GJB5: variants seen among roughly 807,000 people sequenced by gnomAD.
GJB5 encodes the protein gap junction protein beta 5.
For synonymous variants in GJB5, 146 were observed against 145.5 expected, an observed-to-expected ratio of 1.00 and a Z score of -0.02; for missense variants, 333 against 357.9, an observed-to-expected ratio of 0.93 and a Z score of 0.56.
rs1639622614 is a variant in GJB5 at position 34,757,782 on chromosome 1, C to T, written c.452C>T (p.Ser151Leu). 1 of 1,613,886 alleles carries T rather than the reference C, an allele frequency of 6.2e-7. No individual in the cohort carries two copies. The highest frequency in any genetic ancestry group is 1.1e-5 in the South Asian group (1 of 91,080). ...ATCGCCTTTCTCTATGTGTTCCACTCATTCTACCCCAAATATATCCTCCCT... is the reference window on the plus strand; with the variant it reads ...ATCGCCTTTCTCTATGTGTTCCACTTATTCTACCCCAAATATATCCTCCCT... ...VDIAFLYVFH[S>L]FYPKYILPPV... is the part of the protein sequence containing the mutation. The change falls in exon 2 of 2, where the codon TCA becomes TTA. Residue 151 changes from serine (S) to leucine (L), a missense_variant. Physicochemically the swap from Ser to Leu is moderately radical, Grantham distance 145. Transcript: ENST00000338513.
Position 34,758,131 on chromosome 1 carries a change from T to G in GJB5, c.801T>G (p.His267Gln). ...TCTTACCAGACCGCCCCCGAGACCA[T>G]GTGAAGAAAACCATCTTGTGAGGGG... ...PPLLPDRPRD[H>Q]VKKTIL is the part of the protein sequence containing the mutation. The change falls in exon 2 of 2, where the codon CAT becomes CAG. Residue 267 changes from histidine (H) to glutamine (Q), a missense_variant. His to Gln is a conservative substitution (Grantham distance 24, BLOSUM62 0). Transcript: ENST00000338513. The G allele has an allele frequency of 6.2e-7, 1 of 1,612,160 alleles. No homozygotes were observed. The highest frequency in any genetic ancestry group is 8.5e-7 in the Non-Finnish European group (1 of 1,179,464).
At position 34,757,372 on chromosome 1, in the gene GJB5, C is replaced by G; in HGVS notation, c.42C>G (p.Asn14Lys). ...SIFEGLLSGV[N>K]KYSTAFGRIW... ...TTGAGGGACTCCTGAGTGGGGTCAA[C>G]AAGTACTCCACAGCCTTTGGGCGCA... Residue 14 changes from asparagine to lysine, a missense_variant, in exon 2 of 2, where the codon AAC (asparagine) becomes AAG (lysine). Coordinates refer to ENST00000338513, the MANE Select transcript of GJB5 (RefSeq NM_005268.4). 1.2e-6 allele frequency: 2 copies of G among 1,614,178 alleles called. No individual in the cohort carries two copies. The highest frequency in any genetic ancestry group is 1.7e-6 in the Non-Finnish European group (2 of 1,180,008).
In GJB5 at chr1:34,757,713, G is replaced by A. The variant is rs376665230; in HGVS notation, c.383G>A (p.Trp128Ter). Reference protein sequence around the residue: ...LNPGKKRGGLWWTYVCSLVFK... With the variant: ...LNPGKKRGGL ...CCCGGCAAGAAGCGGGGTGGGCTCT[G>A]GTGGACATATGTCTGCAGCCTAGTG... is the stretch of plus-strand genomic sequence containing the variant. The change falls in exon 2 of 2, where the codon TGG becomes TAG. Residue 128 changes from tryptophan to a stop codon, truncating the protein, a stop_gained. Coordinates refer to ENST00000338513, the MANE Select transcript of GJB5 (RefSeq NM_005268.4). LOFTEE classifies it low-confidence loss of function (END_TRUNC). 5.0e-6 allele frequency: 8 copies of A among 1,613,898 alleles called. No homozygotes were observed. The highest frequency in any genetic ancestry group is 3.3e-5 in the South Asian group (3 of 91,082).
At position 34,758,439 on chromosome 1, in the gene GJB5, G is replaced by C; in HGVS notation, c.*287G>C. The C allele has an allele frequency of 2.0e-6, 1 of 490,608 alleles. No individual in the cohort carries two copies. Among genetic ancestry groups the C allele is most frequent in the Non-Finnish European group, 3.8e-6 (1 of 262,408 alleles). The allele number at this position is 490,608 out of a possible 1,614,324, so 30.4% of individuals were successfully genotyped here. A position where few individuals can be genotyped will look rare whatever the true frequency, so the allele number is the denominator to read the frequency against. ...TGGAGGGAGGAGGGCGTTCATAGAA[G>C]AACACACATGCGGGCACCTTCATCG... On this transcript the variant is annotated 3_prime_UTR_variant, in exon 2 of 2. Transcript: ENST00000338513.
chr1:34,758,341 G>A lies in GJB5; in HGVS notation c.*189G>A. ...ACCTGCCCCAGCTCGACGGCACTGGGCCAGTTCCCCCTCTGCTCTGCAGCT... is the reference window on the plus strand; with the variant it reads ...ACCTGCCCCAGCTCGACGGCACTGGACCAGTTCCCCCTCTGCTCTGCAGCT... On this transcript the variant is annotated 3_prime_UTR_variant, in exon 2 of 2. Transcript: ENST00000338513. 4.9e-6 allele frequency: 3 copies of A among 614,030 alleles called. No homozygotes were observed. The highest frequency in any genetic ancestry group is 8.9e-6 in the Non-Finnish European group (3 of 337,414). The allele number at this position is 614,030 out of a possible 1,614,324, so 38.0% of individuals were successfully genotyped here.
intron 1 of GJB5, among the ~76,000 whole-genome samples, chr1:34,756,229 C>T (rs1027359514): frequency 7.9e-5 from 12 of 152,170 alleles, no homozygotes; most frequent in Non-Finnish European, 1.8e-4. Context: ...GCAGAGGACT[C>T]GCGGGTGAGG....
chr1:34,757,454 C>A lies in GJB5; in HGVS notation c.124C>A (p.Arg42Ser). Reference sequence around the variant, plus strand: ...GCTGGTGTACCTGGTGACGGCCGAGCGTGTGTGGAGTGATGACCACAAGGA... The same window carrying A: ...GCTGGTGTACCTGGTGACGGCCGAGAGTGTGTGGAGTGATGACCACAAGGA... ...RVLVYLVTAE[R>S]VWSDDHKDFD... The change falls in exon 2 of 2, where the codon CGT becomes AGT. Residue 42 changes from arginine (R) to serine (S), a missense_variant. Arg to Ser is a moderately radical substitution (Grantham distance 110). Transcript: ENST00000338513. 1 of 1,614,136 alleles carries A rather than the reference C, an allele frequency of 6.2e-7. No individual in the cohort carries two copies. The highest frequency in any genetic ancestry group is 8.5e-7 in the Non-Finnish European group (1 of 1,180,012).
At position 34,758,006 on chromosome 1, in the gene GJB5, T is replaced by G. The variant is rs1448498150; in HGVS notation, c.676T>G (p.Cys226Gly). The G allele has an allele frequency of 1.9e-6, 3 of 1,613,940 alleles. No individual in the cohort carries two copies. The highest frequency in any genetic ancestry group is 2.5e-6 in the Non-Finnish European group (3 of 1,179,988). ...GGCAGCAAGGAAAGCTCAAGCCATG[T>G]GCACAGGTCATCACCCCCACGGTAC... ...CLAARKAQAM[C>G]TGHHPHGTTS... Residue 226 changes from cysteine (C) to glycine (G), a missense_variant, in exon 2 of 2, where the codon TGC (cysteine) becomes GGC (glycine). Physicochemically the swap from Cys to Gly is radical, Grantham distance 159. Coordinates refer to ENST00000338513, the MANE Select transcript of GJB5 (RefSeq NM_005268.4).
intron 1 of GJB5, among the ~76,000 whole-genome samples, chr1:34,756,462 CTT>C (rs1367632670): frequency 1.3e-5 from 2 of 152,210 alleles, no homozygotes; most frequent in African/African-American, 4.8e-5. Context: ...TTTCATACCT[CTT>C]TTGGTGAATT....
chr1:34,758,118 G>T lies in GJB5; in HGVS notation c.788G>T (p.Arg263Leu), dbSNP rs201779144. ...AGTCATCCTCCTCTCTTACCAGACC[G>T]CCCCCGAGACCATGTGAAGAAAACC... is the stretch of plus-strand genomic sequence containing the variant. ...SDSHPPLLPDRPRDHVKKTIL is the reference protein window; with the variant it reads ...SDSHPPLLPDLPRDHVKKTIL Residue 263 changes from arginine to leucine, a missense_variant, in exon 2 of 2, where the codon CGC (arginine) becomes CTC (leucine). Coordinates refer to ENST00000338513, the MANE Select transcript of GJB5 (RefSeq NM_005268.4). 2 of 1,613,866 alleles carry T rather than the reference G, an allele frequency of 1.2e-6. No homozygotes were observed. Among genetic ancestry groups the T allele is most frequent in the Non-Finnish European group, 1.7e-6 (2 of 1,179,934 alleles).
At chr1:34,755,436 C>T (rs746607390) in intron 1 of GJB5, among the ~76,000 whole-genome samples, 1 of 152,184 alleles carries the variant, frequency 6.6e-6, no homozygotes, top group Non-Finnish European at 1.5e-5. Context: ...AGCCCTGCCC[C>T]ACTCCTCCCC....
intron 1 of GJB5, among the ~76,000 whole-genome samples, chr1:34,756,050 G>T (rs1193381617): frequency 6.6e-6 from 1 of 152,228 alleles, no homozygotes; most frequent in African/African-American, 2.4e-5. Context: ...AGTTGATCAT[G>T]CAGAGGCTCC....
At position 34,757,603 on chromosome 1, in the gene GJB5, G is replaced by A. The variant is rs377464791; in HGVS notation, c.273G>A (p.Val91=). 1 of 1,614,102 alleles carries A rather than the reference G, an allele frequency of 6.2e-7. No individual in the cohort carries two copies. Among genetic ancestry groups the A allele is most frequent in the Non-Finnish European group, 8.5e-7 (1 of 1,180,028 alleles). The stretch of plus-strand genomic sequence containing the variant: ...TGGTGACATGCCCCTCACTGCTCGT[G>A]GTCATGCACGTGGCCTACCGGGAGG... ...LILVTCPSLL[V]VMHVAYREVQ... Residue 91 remains valine (V), a synonymous_variant, in exon 2 of 2, where the codon GTG becomes GTA. Transcript: ENST00000338513.
intron 1 of GJB5, among the ~76,000 whole-genome samples, chr1:34,756,127 G>A (rs1225791795): frequency 1.3e-5 from 2 of 152,010 alleles, no homozygotes; most frequent in Admixed American, 6.6e-5. Flanking sequence ...TAGTGGCTAG[G>A]CAGACAGGTT....
Position 34,757,563 on chromosome 1 carries a change from C to A in GJB5, c.233C>A (p.Ala78Asp). ...CCTGTGTCCCATGTGCGCCTCTGGG[C>A]CCTGCAGCTTATCCTGGTGACATGC... ...FFPVSHVRLW[A>D]LQLILVTCPS... is the part of the protein sequence containing the mutation. Residue 78 changes from alanine (A) to aspartate (D), a missense_variant, in exon 2 of 2, where the codon GCC becomes GAC. Ala to Asp is a moderately radical substitution (Grantham distance 126). Coordinates refer to ENST00000338513, the MANE Select transcript of GJB5 (RefSeq NM_005268.4). 1 of 1,614,148 alleles carries A rather than the reference C, an allele frequency of 6.2e-7. No homozygotes were observed. The highest frequency in any genetic ancestry group is 8.5e-7 in the Non-Finnish European group (1 of 1,180,030).
chr1:34,755,464 G>T (rs1394226105), intron 1 of GJB5, among the ~76,000 whole-genome samples: 1 of 152,076 alleles, frequency 6.6e-6, no homozygotes, highest in Non-Finnish European at 1.5e-5. Flanking sequence ...GATGGGCTGG[G>T]TGAGAGCCCC....
Position 34,758,231 on chromosome 1 carries a change from G to C in GJB5, c.*79G>C, listed in dbSNP as rs538407368. ...TCTCTCATAGGTGCAACCTGAGAGT[G>C]GGGGAGCTAAGCCATGAGGTAGGGG... On this transcript the variant is annotated 3_prime_UTR_variant, in exon 2 of 2. Transcript: ENST00000338513. 9.1e-7 allele frequency: 1 copy of C among 1,103,820 alleles called. No individual in the cohort carries two copies. The highest frequency in any genetic ancestry group is 1.3e-6 in the Non-Finnish European group (1 of 751,136). 68.4% of individuals were successfully genotyped at this position (1,103,820 alleles called of 1,614,324 possible).
Position 34,758,183 on chromosome 1 carries a change from G to C in GJB5, c.*31G>C. 1.3e-6 allele frequency: 2 copies of C among 1,555,808 alleles called. No individual in the cohort carries two copies. Among genetic ancestry groups the C allele is most frequent in the Non-Finnish European group, 1.8e-6 (2 of 1,131,572 alleles). On this transcript the variant is annotated 3_prime_UTR_variant, in exon 2 of 2. Coordinates refer to ENST00000338513, the MANE Select transcript of GJB5 (RefSeq NM_005268.4). Reference sequence around the variant, plus strand: ...TGCCTGGACTGGTCTGGCAGGTTGGGCCTGGATGGGGAGGCTCTAGCATCT... The same window carrying C: ...TGCCTGGACTGGTCTGGCAGGTTGGCCCTGGATGGGGAGGCTCTAGCATCT...
rs1341450570 is a variant in GJB5, at chr1:34,757,745, G to A, written c.415G>A (p.Ala139Thr). The A allele has an allele frequency of 1.2e-6, 2 of 1,613,918 alleles. No homozygotes were observed. Among genetic ancestry groups the A allele is most frequent in the Non-Finnish European group, 1.7e-6 (2 of 1,180,000 alleles). Residue 139 changes from alanine to threonine, a missense_variant, in exon 2 of 2, where the codon GCG becomes ACG. By Grantham distance (58) the Ala-to-Thr change is moderately conservative. Transcript: ENST00000338513. Reference protein sequence around the residue: ...WTYVCSLVFKASVDIAFLYVF... With the variant: ...WTYVCSLVFKTSVDIAFLYVF... ...ATATGTCTGCAGCCTAGTGTTCAAGGCGAGCGTGGACATCGCCTTTCTCTA... is the reference window on the plus strand; with the variant it reads ...ATATGTCTGCAGCCTAGTGTTCAAGACGAGCGTGGACATCGCCTTTCTCTA...
Sources: gnomAD v4.1 joint callset for allele counts (sites outside exome capture counted in the v4.1 genomes callset) on GRCh38, gnomAD v4.1.1 for gene constraint, MANE v1.5 for transcripts, NCBI Gene and HGNC (gene_info 2026-07-23, HGNC 2026-07-21) for gene names.